HINFP: variants seen among roughly 807,000 people sequenced by gnomAD.
HINFP encodes MBD2 (methyl-CpG-binding protein)-interacting zinc finger protein.
HINFP carries 20 observed loss-of-function variants against 50.1 expected under a neutral mutation model. The ratio of observed to expected loss-of-function variants is 0.40; its 90% CI spans 0.28 to 0.58. The LOEUF (loss-of-function observed/expected upper bound fraction) is 0.58. Among genes scored for constraint, HINFP ranks in the 20% least tolerant of loss-of-function variants. The pLI is 0.45. For synonymous variants in HINFP, 247 were observed against 243.7 expected, an observed-to-expected ratio of 1.01 and a Z score of -0.13; for missense variants, 505 against 664.1, an observed-to-expected ratio of 0.76 and a Z score of 2.63.
chr11:119,129,295 T>A (rs1327240469), intron 2 of HINFP, among the ~76,000 whole-genome samples: 1 of 151,930 alleles, frequency 6.6e-6, no homozygotes, highest in African/African-American at 2.4e-5. Context: ...TGCCTCGGCC[T>A]CCCAAAGTGT....
intron 2 of HINFP, chr11:119,127,473 GTTTTTTTT>G (rs57165169): frequency 1.4e-5 from 1 of 68,986 alleles, no homozygotes; most frequent in African/African-American, 5.3e-5. Flanking sequence ...TTGTTGTTGT[GTTTTTTTT>G]TTTTTTTTTT....
At position 119,129,490 on chromosome 11, in the gene HINFP, C is replaced by CTTTTTTTTT. The variant is rs59395600; in HGVS notation, c.182-1228_182-1220dup. Among the ~76,000 whole-genome samples, 46 of 124,162 alleles carry CTTTTTTTTT rather than the reference C, an allele frequency of 3.7e-4. 3 individuals carry two copies. The highest frequency in any genetic ancestry group is 2.1e-3 in the South Asian group (6 of 2,912). 81.5% of individuals were successfully genotyped at this position (124,162 alleles called of 152,430 possible). Reference sequence around the variant, plus strand: ...TCTGGCAGGAATACATTTTTCTTTTCTTTTTTTTTTTTTTTGTGGGAGTGC... The same window carrying CTTTTTTTTT: ...TCTGGCAGGAATACATTTTTCTTTTCTTTTTTTTTTTTTTTTTTTTTTTTGTGGGAGTGC... On this transcript the variant is annotated intron_variant, in intron 2 of 9. Coordinates refer to ENST00000350777, the MANE Select transcript of HINFP (RefSeq NM_198971.3).
chr11:119,125,389 A>G (rs1001670568), intron 1 of HINFP: 12 of 152,178 alleles, frequency 7.9e-5, no homozygotes, highest in African/African-American at 2.9e-4. Context: ...TTTATTACAG[A>G]CTGGGTGCAG....
rs1481761996 is a variant in HINFP at position 119,132,272 on chromosome 11, A to G, written c.677-224A>G. The G allele has an allele frequency of 8.0e-6, 5 of 622,116 alleles. No homozygotes were observed. The East Asian group carries it at 1.1e-4, about 14-fold the overall frequency. 38.5% of individuals were successfully genotyped at this position (622,116 alleles called of 1,614,324 possible). ...GGAAACTGAGGCTCAGAGAGGTTAA[A>G]TCACTTACCTGAGATCACACAGCTA... On this transcript the variant is annotated intron_variant, in intron 5 of 9. Transcript: ENST00000350777.
chr11:119,123,806 G>A (rs7103544), intron 1 of HINFP: 93,510 of 146,722 alleles, frequency 0.64, 30,167 homozygotes, highest in African/African-American at 0.76. Context: ...TCTGTCTCCC[G>A]GGTTCAAGTG....
At position 119,136,045 on chromosome 11, in the gene HINFP, GAAAGA is replaced by G. The variant is rs888934980; in HGVS notation, c.*1556_*1560del. 2.2e-4 allele frequency: 33 copies of G among 151,312 alleles called. No homozygotes were observed. The highest frequency in any genetic ancestry group is 8.0e-4 in the African/African-American group (33 of 41,156). The allele number at this position is 151,312 out of a possible 1,614,324, so 9.4% of individuals were successfully genotyped here. ...CGTCTCAAATAAATAAATAAATAAAGAAAGAAAAGAAAAACTGTGTGTGTCTATTT... is the reference window on the plus strand; with the variant it reads ...CGTCTCAAATAAATAAATAAATAAAGAAAGAAAAACTGTGTGTGTCTATTT... On this transcript the variant is annotated 3_prime_UTR_variant, in exon 10 of 10. Transcript: ENST00000350777.
intron 1 of HINFP, among the ~76,000 whole-genome samples, chr11:119,123,385 T>C: frequency 6.6e-6 from 1 of 152,166 alleles, no homozygotes; most frequent in East Asian, 1.9e-4. Context: ...TTCGTTTCCC[T>C]ACCTAGAACT....
chr11:119,128,517 C>T (rs1387667775), intron 2 of HINFP, among the ~76,000 whole-genome samples: 1 of 150,970 alleles, frequency 6.6e-6, no homozygotes, highest in East Asian at 2.0e-4. Flanking sequence ...ACCATGTTAG[C>T]CAGGATGCCC....
At chr11:119,129,664 CTG>C (rs1235151284) in intron 2 of HINFP, among the ~76,000 whole-genome samples, 1 of 151,552 alleles carries the variant, frequency 6.6e-6, no homozygotes, top group African/African-American at 2.4e-5. Context: ...CGGGGTTTGA[CTG>C]TGTTAGCCAG....
intron 1 of HINFP, among the ~76,000 whole-genome samples, chr11:119,123,029 A>G (rs997669411): frequency 6.7e-6 from 1 of 149,428 alleles, no homozygotes; most frequent in Non-Finnish European, 1.5e-5. Flanking sequence ...TTCGGAGGCT[A>G]AGTCACGAGA....
Position 119,131,393 on chromosome 11 carries a change from C to T in HINFP, c.412-142C>T. ...GTTTAGCAACCGCACCCGGCCACTC[C>T]TCCATTTCTGTGCAGTGCCTTTCCT... On this transcript the variant is annotated intron_variant, in intron 3 of 9. Transcript: ENST00000350777. This position sits in a 1 kb window ranked among gnomAD's most constrained non-coding sequence, Gnocchi z 4.2. The T allele has an allele frequency of 1.5e-6, 1 of 678,064 alleles. No individual in the cohort carries two copies. Among genetic ancestry groups the T allele is most frequent in the Non-Finnish European group, 2.7e-6 (1 of 372,486 alleles). 42.0% of individuals were successfully genotyped at this position (678,064 alleles called of 1,614,324 possible). A position where few individuals can be genotyped will look rare whatever the true frequency, so the allele number is the denominator to read the frequency against.
rs1947450902 is a variant in HINFP at position 119,127,134 on chromosome 11, G to A, written c.181+9G>A. ...GGAGGATGACCCACTTGGTAAGAGA[G>A]CAGGACACAGGAAGGGGAGGAGCTC... On this transcript the variant is annotated intron_variant, in intron 2 of 9. Coordinates refer to ENST00000350777, the MANE Select transcript of HINFP (RefSeq NM_198971.3). 1.9e-6 allele frequency: 3 copies of A among 1,600,398 alleles called. No homozygotes were observed.
At chr11:119,127,234 C>G (rs939475753) in intron 2 of HINFP, 109 bp downstream of exon 2, 2 of 896,884 alleles carry the variant, frequency 2.2e-6, no homozygotes, top group African/African-American at 3.4e-5. Context: ...GTTTATTTTC[C>G]TAATTGTGTT....
At chr11:119,133,802 C>T (rs968347114) in intron 9 of HINFP, 8 of 547,182 alleles carry the variant, frequency 1.5e-5, no homozygotes. Context: ...AGCTCCAAGG[C>T]CTTCTCATAA....
rs1947951813 is a variant in HINFP, at chr11:119,134,359, C to T, written c.1415C>T (p.Ala472Val). The T allele has an allele frequency of 6.2e-7, 1 of 1,614,058 alleles. No homozygotes were observed. The highest frequency in any genetic ancestry group is 1.7e-5 in the Admixed American group (1 of 60,002). ...ATCCACGTGGTGAATCAGACCAATG[C>T]CCAAGGCCAGCAAGAGATCGTCTAC... Reference protein sequence around the residue: ...SVIHVVNQTNAQGQQEIVYYV... With the variant: ...SVIHVVNQTNVQGQQEIVYYV... Residue 472 changes from alanine to valine, a missense_variant, in exon 10 of 10, where the codon GCC (alanine) becomes GTC (valine). Ala to Val is a moderately conservative substitution (Grantham distance 64). Coordinates refer to ENST00000350777, the MANE Select transcript of HINFP (RefSeq NM_198971.3). The surrounding 1 kb of genome is among the most constrained non-coding windows in gnomAD (Gnocchi z 4.3).
At chr11:119,127,911 A>G (rs1430989502) in intron 2 of HINFP, among the ~76,000 whole-genome samples, 1 of 149,390 alleles carries the variant, frequency 6.7e-6, no homozygotes, top group East Asian at 2.0e-4. Context: ...GTTGGAGTGC[A>G]ATGGTTCGAT....
chr11:119,129,864 C>T (rs1191059711), intron 2 of HINFP: 1 of 152,202 alleles, frequency 6.6e-6, no homozygotes, highest in East Asian at 1.9e-4. Flanking sequence ...GGAGGCAGCT[C>T]TCCTTCTCCC....
In HINFP at chr11:119,135,869, A is replaced by C. The variant is rs1392194061; in HGVS notation, c.*1371A>C. On this transcript the variant is annotated 3_prime_UTR_variant, in exon 10 of 10. Coordinates refer to ENST00000350777, the MANE Select transcript of HINFP (RefSeq NM_198971.3). ...TGGTGAAACCCCGTCTCTACTAAAA[A>C]TATAAAAATCAGCTGGGCATGGTGG... The C allele has an allele frequency of 6.6e-6, 1 of 152,158 alleles. No homozygotes were observed. Among genetic ancestry groups the C allele is most frequent in the Non-Finnish European group, 1.5e-5 (1 of 68,042 alleles). 9.4% of individuals were successfully genotyped at this position (152,158 alleles called of 1,614,324 possible). A position where few individuals can be genotyped will look rare whatever the true frequency, so the allele number is the denominator to read the frequency against.
Position 119,131,202 on chromosome 11 carries a change from C to T in HINFP, c.411+248C>T, listed in dbSNP as rs918510207. ...CTCCTGGGCTCAAGCAATCCTCCCA[C>T]CTCAGCCTCCCAAGTAGCTAGGACT... On this transcript the variant is annotated intron_variant, in intron 3 of 9. Coordinates refer to ENST00000350777, the MANE Select transcript of HINFP (RefSeq NM_198971.3). The surrounding 1 kb of genome is among the most constrained non-coding windows in gnomAD (Gnocchi z 4.2). 1 of 652,574 alleles carries T rather than the reference C, an allele frequency of 1.5e-6. No homozygotes were observed. Among genetic ancestry groups the T allele is most frequent in the Non-Finnish European group, 2.8e-6 (1 of 355,282 alleles). The allele number at this position is 652,574 out of a possible 1,614,324, so 40.4% of individuals were successfully genotyped here. A position where few individuals can be genotyped will look rare whatever the true frequency, so the allele number is the denominator to read the frequency against.
Sources: gnomAD v4.1 joint callset for allele counts (sites outside exome capture counted in the v4.1 genomes callset) on GRCh38, gnomAD v4.1.1 for gene constraint, Gnocchi (gnomAD v3.1) non-coding constraint, MANE v1.5 for transcripts, NCBI Gene and HGNC (gene_info 2026-07-23, HGNC 2026-07-21) for gene names.